Variants in GALNTL6 observed in about 807,000 individuals in gnomAD.
GALNTL6 encodes polypeptide N-acetylgalactosaminyltransferase-like 6.
GALNTL6 carries 46 observed loss-of-function variants against 73.7 expected under a neutral mutation model. The ratio of observed to expected loss-of-function variants is 0.62; its 90% CI spans 0.49 to 0.80. The LOEUF (loss-of-function observed/expected upper bound fraction) is 0.80, where lower values mean the gene tolerates loss of function less well. Ranked by LOEUF, GALNTL6 falls within the 30% of genes least tolerant of loss-of-function variation. GALNTL6 has a pLI of 0.00. For missense variants in GALNTL6, 604 were observed against 755.0 expected, an observed-to-expected ratio of 0.80 and a Z score of 2.34; for synonymous variants, 259 against 263.7, an observed-to-expected ratio of 0.98 and a Z score of 0.17.
At chr4:172,649,439 T>A (rs1170832715) in intron 5 of GALNTL6, among the ~76,000 whole-genome samples, 1 of 152,144 alleles carries the variant, frequency 6.6e-6, no homozygotes, top group Non-Finnish European at 1.5e-5. Flanking sequence ...GGTGAGGAAA[T>A]AACAGACACA....
intron 2 of GALNTL6, among the ~76,000 whole-genome samples, chr4:172,146,238 A>G (rs1733924789): frequency 6.6e-6 from 1 of 152,218 alleles, no homozygotes; most frequent in African/African-American, 2.4e-5. Flanking sequence ...GCCCTTCAGT[A>G]GTATCCTTTC....
chr4:172,472,839 C>T (rs550196777), intron 5 of GALNTL6, among the ~76,000 whole-genome samples: 5 of 152,226 alleles, frequency 3.3e-5, no homozygotes, highest in African/African-American at 1.2e-4. Flanking sequence ...GTCATGCACT[C>T]CTGGCCCGTA....
At chr4:171,920,025 A>C (rs1014200474) in intron 2 of GALNTL6, among the ~76,000 whole-genome samples, 50 of 152,334 alleles carry the variant, frequency 3.3e-4, no homozygotes, top group African/African-American at 1.2e-3. Context: ...TAACAATGAT[A>C]GACTGGATTA....
At chr4:172,812,067 C>T (rs1434143185) in intron 6 of GALNTL6, among the ~76,000 whole-genome samples, 1 of 150,380 alleles carries the variant, frequency 6.6e-6, no homozygotes, top group Non-Finnish European at 1.5e-5. Flanking sequence ...GATGAACAGA[C>T]AGATGGAAGG....
chr4:172,658,694 G>C (rs746494010), intron 5 of GALNTL6, among the ~76,000 whole-genome samples: 1 of 152,080 alleles, frequency 6.6e-6, no homozygotes, highest in Non-Finnish European at 1.5e-5. Flanking sequence ...AGTCTAAAAA[G>C]ATGAGGTGGC....
intron 7 of GALNTL6, among the ~76,000 whole-genome samples, chr4:172,830,170 G>C (rs1742544242): frequency 6.6e-6 from 1 of 152,128 alleles, no homozygotes; most frequent in Non-Finnish European, 1.5e-5. Flanking sequence ...TTTTCCTAAA[G>C]ATGCTCTTTT....
At chr4:172,246,786 T>C (rs1357128820) in intron 3 of GALNTL6, among the ~76,000 whole-genome samples, 4 of 149,522 alleles carry the variant, frequency 2.7e-5, no homozygotes, top group Admixed American at 1.3e-4. Flanking sequence ...GTTACATATA[T>C]ATGAAGCCAG....
chr4:172,131,886 T>C (rs1338283664), intron 2 of GALNTL6, among the ~76,000 whole-genome samples: 4 of 152,034 alleles, frequency 2.6e-5, no homozygotes, highest in African/African-American at 9.7e-5. Context: ...TCAGATATTA[T>C]GACTGATGGA....
At chr4:172,084,046 C>T (rs961119699) in intron 2 of GALNTL6, among the ~76,000 whole-genome samples, 3 of 152,118 alleles carry the variant, frequency 2.0e-5, no homozygotes, top group Non-Finnish European at 4.4e-5. Flanking sequence ...GGAACACCTG[C>T]AGAGATTGAT....
intron 2 of GALNTL6, among the ~76,000 whole-genome samples, chr4:171,866,793 T>C (rs11132920): frequency 0.53 from 80,117 of 151,858 alleles, 23,993 homozygotes; most frequent in Non-Finnish European, 0.67. Flanking sequence ...ATTCCTTGGG[T>C]TCTTTTTTCA....
intron 11 of GALNTL6, among the ~76,000 whole-genome samples, chr4:173,014,036 C>G (rs890461617): frequency 7.3e-6 from 1 of 137,414 alleles, no homozygotes; most frequent in Non-Finnish European, 1.7e-5. Flanking sequence ...TGAAATAATC[C>G]GTTTTTTTCC....
At chr4:172,535,045 G>C (rs116355893) in intron 5 of GALNTL6, among the ~76,000 whole-genome samples, 2 of 152,142 alleles carry the variant, frequency 1.3e-5, no homozygotes, top group African/African-American at 2.4e-5. Context: ...AGCTAAACAC[G>C]ACATTCAAGG....
chr4:173,012,071 C>A (rs896257879), intron 11 of GALNTL6, among the ~76,000 whole-genome samples: 1 of 152,086 alleles, frequency 6.6e-6, no homozygotes, highest in Non-Finnish European at 1.5e-5. Context: ...GCTCACCTAA[C>A]CCTTTTCACT....
At chr4:172,895,402 A>AT (rs1240803881) in intron 8 of GALNTL6, among the ~76,000 whole-genome samples, 55 of 114,384 alleles carry the variant, frequency 4.8e-4, no homozygotes, top group South Asian at 1.4e-3. Context: ...ATATATATAT[A>AT]TTTTTTTTTT....
intron 5 of GALNTL6, among the ~76,000 whole-genome samples, chr4:172,795,577 A>C (rs1241744375): frequency 6.6e-6 from 1 of 152,188 alleles, no homozygotes; most frequent in Admixed American, 6.5e-5. Flanking sequence ...GTAGGTATAT[A>C]TATTTACAGG....
chr4:172,487,562 A>AT (rs1733742377), intron 5 of GALNTL6, among the ~76,000 whole-genome samples: 1 of 151,190 alleles, frequency 6.6e-6, no homozygotes, highest in South Asian at 2.1e-4. Context: ...AATTCTTTGT[A>AT]TTTTTAGTAG....
intron 2 of GALNTL6, among the ~76,000 whole-genome samples, chr4:172,206,682 G>A (rs1736120165): frequency 6.6e-6 from 1 of 151,618 alleles, no homozygotes; most frequent in African/African-American, 2.4e-5. Context: ...GCAGGGGAAA[G>A]AACATTCTAG....
At chr4:171,890,953 G>A (rs769187290) in intron 2 of GALNTL6, among the ~76,000 whole-genome samples, 56 of 152,102 alleles carry the variant, frequency 3.7e-4, no homozygotes, top group Non-Finnish European at 7.1e-4. Flanking sequence ...ACTTCATGTT[G>A]TCGTCATTAC....
At chr4:172,187,392 GC>G (rs1250589769) in intron 2 of GALNTL6, among the ~76,000 whole-genome samples, 1 of 152,010 alleles carries the variant, frequency 6.6e-6, no homozygotes, top group Non-Finnish European at 1.5e-5. Flanking sequence ...AAGAGCTATT[GC>G]TTAAAGCCAG....
Sources: allele counts gnomAD v4.1 joint callset (sites outside exome capture counted in the v4.1 genomes callset), GRCh38; gene constraint gnomAD v4.1.1; transcripts MANE v1.5; gene names NCBI Gene and HGNC (gene_info 2026-07-23, HGNC 2026-07-21).